Variants in DGKI observed in about 807,000 individuals in gnomAD.
DGKI encodes DAG kinase iota.
In DGKI, 55 loss-of-function variants were observed where a neutral mutation model predicts 147.5. That is an observed-to-expected ratio of 0.37 (90% CI 0.30 to 0.47). DGKI has a LOEUF of 0.47. Ranked by LOEUF, DGKI falls within the 20% of genes least tolerant of loss-of-function variation. DGKI has a pLI of 1.00. For synonymous variants in DGKI, 469 were observed against 477.1 expected, an observed-to-expected ratio of 0.98 and a Z score of 0.22; for missense variants, 1,007 against 1,323.8, an observed-to-expected ratio of 0.76 and a Z score of 3.71.
chr7:137,444,862 G>A (rs1813652584), intron 27 of DGKI, among the ~76,000 whole-genome samples: 1 of 152,194 alleles, frequency 6.6e-6, no homozygotes, highest in East Asian at 1.9e-4. Flanking sequence ...CCTCCAGCTT[G>A]AAGACTACGG....
Position 137,623,528 on chromosome 7 carries a change from G to A in DGKI, c.831C>T (p.His277=). The A allele has an allele frequency of 6.2e-7, 1 of 1,614,016 alleles. No homozygotes were observed. Among genetic ancestry groups the A allele is most frequent in the East Asian group, 2.2e-5 (1 of 44,872 alleles). Residue 277 remains histidine (H), a synonymous_variant, in exon 7 of 33, where the codon CAC becomes CAT. Coordinates refer to ENST00000614521, the MANE Select transcript of DGKI (RefSeq NM_001321708.2). ...AGCTGATAGCCACAATCTCTTTACT[G>A]TGGAAGGAGAACTTTTGCTGGAAGC... ...GKGFQQKFSF[H]SKEIVAISCS... is the part of the protein sequence containing the mutation.
At chr7:137,550,027 C>T (rs1373055064) in intron 20 of DGKI, among the ~76,000 whole-genome samples, 1 of 152,030 alleles carries the variant, frequency 6.6e-6, no homozygotes. Flanking sequence ...TATAAATATT[C>T]ATTAATAAAA....
chr7:137,448,988 G>T (rs957541930), intron 27 of DGKI, among the ~76,000 whole-genome samples: 6 of 152,056 alleles, frequency 3.9e-5, no homozygotes, highest in African/African-American at 1.4e-4. Flanking sequence ...GAAAGAAATT[G>T]AAAAAGATAC....
At chr7:137,405,270 G>A (rs1811900979) in intron 30 of DGKI, among the ~76,000 whole-genome samples, 1 of 151,774 alleles carries the variant, frequency 6.6e-6, no homozygotes, top group African/African-American at 2.4e-5. Flanking sequence ...TCAAGAGACA[G>A]AGTCTGGCTC....
intron 1 of DGKI, among the ~76,000 whole-genome samples, chr7:137,786,337 G>A (rs1239625209): frequency 6.6e-6 from 1 of 152,146 alleles, no homozygotes; most frequent in Non-Finnish European, 1.5e-5. Flanking sequence ...TGACCAAGTT[G>A]AGAATCAAAT....
intron 1 of DGKI, among the ~76,000 whole-genome samples, chr7:137,694,737 G>T (rs944376384): frequency 6.6e-6 from 1 of 152,074 alleles, no homozygotes; most frequent in East Asian, 1.9e-4. Flanking sequence ...TACCATATGG[G>T]CACTAACTTT....
intron 29 of DGKI, among the ~76,000 whole-genome samples, chr7:137,409,508 C>T (rs984129364): frequency 6.6e-6 from 1 of 152,130 alleles, no homozygotes; most frequent in Non-Finnish European, 1.5e-5. Flanking sequence ...GGACATGGAT[C>T]CAAAGCAGTA....
chr7:137,570,872 AGCCACT>A (rs1244884115), intron 19 of DGKI, among the ~76,000 whole-genome samples: 2 of 152,214 alleles, frequency 1.3e-5, no homozygotes, highest in Admixed American at 6.5e-5. Context: ...TACAGGCATG[AGCCACT>A]GCACCCAGCC....
chr7:137,828,857 TGA>T (rs1435848732), intron 1 of DGKI, among the ~76,000 whole-genome samples: 26 of 152,312 alleles, frequency 1.7e-4, no homozygotes, highest in African/African-American at 6.0e-4. Context: ...TTATTTAACA[TGA>T]TGGGAACTGA....
chr7:137,475,152 G>A (rs1024358835), intron 23 of DGKI, among the ~76,000 whole-genome samples: 1 of 152,144 alleles, frequency 6.6e-6, no homozygotes, highest in Non-Finnish European at 1.5e-5. Context: ...TTTAGATGGT[G>A]CTACCCCTAA....
chr7:137,589,170 GA>G (rs1819522425), intron 12 of DGKI, among the ~76,000 whole-genome samples: 1 of 152,204 alleles, frequency 6.6e-6, no homozygotes, highest in Non-Finnish European at 1.5e-5. Context: ...TTGATAAACT[GA>G]GGTGCAAAAA....
chr7:137,597,981 A>C, intron 11 of DGKI, 74 bp from the exon 12 acceptor site: 4 of 1,376,836 alleles, frequency 2.9e-6, no homozygotes. Flanking sequence ...GCAGAGGACA[A>C]CATGGGTAGG....
intron 30 of DGKI, among the ~76,000 whole-genome samples, chr7:137,401,003 G>T (rs182017040): frequency 1.3e-5 from 2 of 152,262 alleles, no homozygotes; most frequent in Admixed American, 6.5e-5. Flanking sequence ...CATAATGCTA[G>T]CAAGGAAGGA....
rs1171186607 is a variant in DGKI at position 137,663,671 on chromosome 7, C to A, written c.607-7131G>T. Among the ~76,000 whole-genome samples, 3 of 152,018 alleles carry A rather than the reference C, an allele frequency of 2.0e-5. No individual in the cohort carries two copies. In the East Asian group the frequency reaches 5.8e-4, roughly 29 times the overall value. ...CAAACCTGGGAAGTAGGTACACTGG[C>A]TGTGTTAAGAAGCCAGAGGAGCTGT... On this transcript the variant is annotated intron_variant, in intron 3 of 32. Transcript: ENST00000614521.
intron 1 of DGKI, among the ~76,000 whole-genome samples, chr7:137,832,416 C>G (rs1045149911): frequency 6.6e-6 from 1 of 152,214 alleles, no homozygotes; most frequent in Admixed American, 6.5e-5. Context: ...TTCCATGTAC[C>G]TGCAGGCTCA....
intron 27 of DGKI, 94 bp from the exon 28 acceptor site, chr7:137,444,196 T>A: frequency 1.3e-6 from 1 of 787,658 alleles, no homozygotes. Flanking sequence ...TCAAATTGAA[T>A]TAAATGGAAA....
Position 137,765,147 on chromosome 7 carries a change from T to A in DGKI, c.402-75145A>T, listed in dbSNP as rs145693169. ...GAGGGGTGTTACTTCCTGAGTTCAATACATTAACGTTCCATTAATGCAGCT... is the reference window on the plus strand; with the variant it reads ...GAGGGGTGTTACTTCCTGAGTTCAAAACATTAACGTTCCATTAATGCAGCT... On this transcript the variant is annotated intron_variant, in intron 1 of 32. Transcript: ENST00000614521. Among the ~76,000 whole-genome samples the A allele has an allele frequency of 5.0e-4, 76 of 152,344 alleles. No individual in the cohort carries two copies. In the East Asian group the frequency reaches 0.012, roughly 24 times the overall value.
chr7:137,690,210 G>A, intron 1 of DGKI, among the ~76,000 whole-genome samples: 1 of 152,160 alleles, frequency 6.6e-6, no homozygotes, highest in African/African-American at 2.4e-5. Flanking sequence ...GGGAGGTCAA[G>A]GGGACCACTG....
intron 1 of DGKI, among the ~76,000 whole-genome samples, chr7:137,711,138 A>G (rs1794196969): frequency 6.6e-6 from 1 of 152,182 alleles, no homozygotes; most frequent in Admixed American, 6.5e-5. Context: ...CAAGATATAG[A>G]GCTTACATAC....
Sources: allele counts gnomAD v4.1 joint callset (sites outside exome capture counted in the v4.1 genomes callset), GRCh38; gene constraint gnomAD v4.1.1; transcripts MANE v1.5; gene names NCBI Gene and HGNC (gene_info 2026-07-23, HGNC 2026-07-21).